The following PTPRD variants were observed in gnomAD, a reference collection of about 807,000 sequenced individuals.
PTPRD encodes the protein receptor-type tyrosine-protein phosphatase delta.
Under a neutral mutation model 214.5 loss-of-function variants are expected in PTPRD, and 34 were observed. The ratio of observed to expected loss-of-function variants is 0.16; its 90% confidence interval spans 0.12 to 0.21. The LOEUF is 0.21. Among genes scored for constraint, PTPRD ranks in the 10% least tolerant of loss-of-function variants. The probability of loss-of-function intolerance (pLI) is 1.00; values close to 1 mark genes in which losing one functional copy is unlikely to be tolerated. For missense variants in PTPRD, 2,545 were observed against 2,398.7 expected (o/e 1.06, Z -1.27); for synonymous variants, 1,128 against 845.7 (o/e 1.33, Z -5.79).
intron 9 of PTPRD, among the ~76,000 whole-genome samples, chr9:9,234,895 G>T (rs996774323): frequency 6.6e-6 from 1 of 152,086 alleles, no homozygotes; most frequent in Non-Finnish European, 1.5e-5. Context: ...CCTTCAAATT[G>T]TTCCAACCTC....
intron 12 of PTPRD, 108 bp downstream of exon 12, chr9:8,733,672 G>A: frequency 8.5e-7 from 1 of 1,177,222 alleles, no homozygotes; most frequent in Non-Finnish European, 1.2e-6. Context: ...AGTGTCTCAG[G>A]ATTTACTTCC....
At chr9:9,084,663 A>T (rs941248380) in intron 10 of PTPRD, among the ~76,000 whole-genome samples, 1 of 152,052 alleles carries the variant, frequency 6.6e-6, no homozygotes, top group African/African-American at 2.4e-5. Context: ...GAGGTAATGT[A>T]CTGGCCTCTG....
intron 3 of PTPRD, among the ~76,000 whole-genome samples, chr9:10,126,550 T>C (rs1369772298): frequency 6.6e-6 from 1 of 152,030 alleles, no homozygotes; most frequent in Non-Finnish European, 1.5e-5. Context: ...TTTGACCACA[T>C]CAATGTTGTT....
intron 11 of PTPRD, among the ~76,000 whole-genome samples, chr9:8,825,382 G>T (rs1274797216): frequency 1.3e-5 from 2 of 152,068 alleles, no homozygotes; most frequent in African/African-American, 2.4e-5. Flanking sequence ...GATGTTTATT[G>T]CACTCATGTA....
intron 4 of PTPRD, among the ~76,000 whole-genome samples, chr9:9,954,687 C>A (rs774418092): frequency 3.0e-4 from 45 of 151,864 alleles, no homozygotes; most frequent in Non-Finnish European, 5.7e-4. Flanking sequence ...AAATAGTAAT[C>A]CTCCCTCCCA....
At chr9:9,373,281 G>T (rs2059997687) in intron 9 of PTPRD, among the ~76,000 whole-genome samples, 1 of 152,022 alleles carries the variant, frequency 6.6e-6, no homozygotes, top group Non-Finnish European at 1.5e-5. Context: ...GCTAAATTTG[G>T]TGAGAGAAAT....
chr9:8,395,320 T>C (rs1389307506), intron 36 of PTPRD, among the ~76,000 whole-genome samples: 1 of 152,100 alleles, frequency 6.6e-6, no homozygotes, highest in Non-Finnish European at 1.5e-5. Context: ...TAGATTGCAA[T>C]TTTACAACAA....
chr9:8,854,948 A>C (rs1219187919), intron 11 of PTPRD, among the ~76,000 whole-genome samples: 1 of 152,202 alleles, frequency 6.6e-6, no homozygotes, highest in African/African-American at 2.4e-5. Flanking sequence ...TCACATATGA[A>C]TTTGCACCAA....
chr9:10,345,185 C>T (rs1235172054), intron 2 of PTPRD, among the ~76,000 whole-genome samples: 1 of 151,966 alleles, frequency 6.6e-6, no homozygotes, highest in Non-Finnish European at 1.5e-5. Flanking sequence ...TCAAAATAAT[C>T]AAAATTATAA....
chr9:8,427,680 G>T (rs11794482), intron 35 of PTPRD, among the ~76,000 whole-genome samples: 3,329 of 150,532 alleles, frequency 0.022, 63 homozygotes, highest in Non-Finnish European at 0.03. Flanking sequence ...TTATTGTTAT[G>T]ATTATTATTA....
At chr9:9,639,873 T>C (rs926089386) in intron 7 of PTPRD, among the ~76,000 whole-genome samples, 6 of 152,172 alleles carry the variant, frequency 3.9e-5, no homozygotes, top group African/African-American at 1.2e-4. Flanking sequence ...TATTATAGCT[T>C]AGAGAAAGAA....
intron 5 of PTPRD, among the ~76,000 whole-genome samples, chr9:9,791,308 T>A (rs2098965646): frequency 6.6e-6 from 1 of 152,178 alleles, no homozygotes; most frequent in African/African-American, 2.4e-5. Context: ...GTTTGTTCTT[T>A]AAGAAATTCA....
At chr9:8,661,185 G>C (rs753667373) in intron 12 of PTPRD, among the ~76,000 whole-genome samples, 1 of 152,024 alleles carries the variant, frequency 6.6e-6, no homozygotes, top group Non-Finnish European at 1.5e-5. Context: ...TGGACATAAA[G>C]ATCTACCTGG....
Position 10,412,613 on chromosome 9 carries a change from C to T in PTPRD, c.-599-71596G>A, listed in dbSNP as rs138292818. On this transcript the variant is annotated intron_variant, in intron 2 of 45. Transcript: ENST00000381196. ...CCAAAACCTTGCAGATATACACACA[C>T]GCACGCACACACACACACAAACACA... Among the ~76,000 whole-genome samples the T allele has an allele frequency of 6.5e-3, 695 of 106,568 alleles. 9 individuals are homozygous for T. Among genetic ancestry groups the T allele is most frequent in the African/African-American group, 0.025 (650 of 26,220 alleles). The allele number at this position is 106,568 out of a possible 152,430, so 69.9% of individuals were successfully genotyped here.
chr9:10,461,192 T>G (rs532718929), intron 2 of PTPRD, among the ~76,000 whole-genome samples: 4 of 149,120 alleles, frequency 2.7e-5, no homozygotes, highest in Non-Finnish European at 4.5e-5. Context: ...ACTCTATATA[T>G]CCTCATAACT....
intron 10 of PTPRD, among the ~76,000 whole-genome samples, chr9:9,123,836 C>G (rs1410627455): frequency 2.0e-5 from 3 of 152,066 alleles, no homozygotes; most frequent in African/African-American, 7.2e-5. Context: ...GAGGGGTCAA[C>G]AGGAATAGCC....
intron 3 of PTPRD, among the ~76,000 whole-genome samples, chr9:10,309,664 G>A (rs763355360): frequency 5.3e-5 from 8 of 151,414 alleles, no homozygotes; most frequent in Admixed American, 1.3e-4. Flanking sequence ...CACACCTGGC[G>A]CCAACTAATT....
intron 9 of PTPRD, among the ~76,000 whole-genome samples, chr9:9,393,840 G>C (rs1161820348): frequency 6.6e-6 from 1 of 152,110 alleles, no homozygotes; most frequent in East Asian, 1.9e-4. Context: ...TGCTTAATAA[G>C]TGGTAGTAAT....
chr9:9,983,619 C>A (rs1201565579), intron 4 of PTPRD, among the ~76,000 whole-genome samples: 2 of 152,182 alleles, frequency 1.3e-5, no homozygotes, highest in Admixed American at 6.5e-5. Context: ...CACTCACATA[C>A]AAATACAAAT....
Sources: gnomAD v4.1 joint callset for allele counts (sites outside exome capture counted in the v4.1 genomes callset) on GRCh38, gnomAD v4.1.1 for gene constraint, MANE v1.5 for transcripts, NCBI Gene and HGNC (gene_info 2026-07-23, HGNC 2026-07-21) for gene names.